PTPRJ: variants seen among roughly 807,000 people sequenced by gnomAD.
PTPRJ encodes the protein protein tyrosine phosphatase receptor type J, also known as receptor-type tyrosine-protein phosphatase eta.
In PTPRJ, 129 loss-of-function variants were observed where a neutral mutation model predicts 141.3. The observed-to-expected ratio is 0.91, with a 90% CI of 0.79 to 1.06. The LOEUF (loss-of-function observed/expected upper bound fraction) is 1.06. Among genes scored for constraint, PTPRJ ranks in the 50% least tolerant of loss-of-function variants. The pLI, the probability that PTPRJ is intolerant of heterozygous loss-of-function variation, is 0.00. For missense variants in PTPRJ, 1,601 were observed against 1,679.7 expected (o/e 0.95, Z 0.82); for synonymous variants, 610 against 640.5 (o/e 0.95, Z 0.72).
At chr11:48,111,759 G>C (rs566851054) in intron 2 of PTPRJ, among the ~76,000 whole-genome samples, 122 of 152,206 alleles carry the variant, frequency 8.0e-4, no homozygotes, top group African/African-American at 2.5e-3. Flanking sequence ...GTCATTGGAA[G>C]GGCCGCTGTA....
At chr11:47,992,568 A>G (rs1484740587) in intron 1 of PTPRJ, among the ~76,000 whole-genome samples, 6 of 152,250 alleles carry the variant, frequency 3.9e-5, no homozygotes, top group East Asian at 1.9e-4. Flanking sequence ...AGGTTGAACC[A>G]TATAAAGTTA....
chr11:48,085,056 A>G (rs973167195), intron 1 of PTPRJ, among the ~76,000 whole-genome samples: 2 of 152,326 alleles, frequency 1.3e-5, no homozygotes, highest in Middle Eastern at 3.4e-3. Flanking sequence ...GTTTTGGTGT[A>G]ACAGCAAAGA....
At position 48,120,742 on chromosome 11, in the gene PTPRJ, C is replaced by A. The variant is rs574733531; in HGVS notation, c.353-261C>A. 2.0e-5 allele frequency among the ~76,000 whole-genome samples: 3 copies of A among 152,130 alleles called. No homozygotes were observed. In the South Asian group the frequency reaches 6.2e-4, roughly 32 times the overall value. ...GTATCAGCTTCTATACAGACTTAAC[C>A]CCATTTTTAAGTCACAGCCAGCATG... On this transcript the variant is annotated intron_variant, in intron 3 of 24. Coordinates refer to ENST00000418331, the MANE Select transcript of PTPRJ (RefSeq NM_002843.4).
At chr11:47,991,126 G>A (rs928276881) in intron 1 of PTPRJ, among the ~76,000 whole-genome samples, 6 of 152,072 alleles carry the variant, frequency 3.9e-5, no homozygotes, top group Admixed American at 3.3e-4. Flanking sequence ...ATAATATGAA[G>A]CAGTGGAACT....
intron 1 of PTPRJ, among the ~76,000 whole-genome samples, chr11:47,998,832 C>T (rs1011798926): frequency 6.6e-6 from 1 of 152,010 alleles, no homozygotes; most frequent in Non-Finnish European, 1.5e-5. Flanking sequence ...AGGCCCTATT[C>T]GGTAAATACA....
chr11:48,136,336 T>G, intron 9 of PTPRJ, 40 bp downstream of exon 9: 1 of 1,594,468 alleles, frequency 6.3e-7, no homozygotes, highest in African/African-American at 1.3e-5. Context: ...ACAGCCTCTC[T>G]AACTGTCTCT....
chr11:48,139,392 A>G, intron 10 of PTPRJ, 94 bp from the exon 11 acceptor site: 2 of 1,366,322 alleles, frequency 1.5e-6, no homozygotes, highest in Non-Finnish European at 2.0e-6. Flanking sequence ...TCACCCACCC[A>G]CCTTCTCATC....
chr11:48,060,512 A>C (rs184945329), intron 1 of PTPRJ, among the ~76,000 whole-genome samples: 342 of 152,260 alleles, frequency 2.2e-3, no homozygotes, highest in African/African-American at 7.8e-3. Context: ...ACCCACACGC[A>C]CAGTTGGAAA....
At chr11:48,128,267 G>T (rs969176940) in intron 7 of PTPRJ, among the ~76,000 whole-genome samples, 2 of 152,344 alleles carry the variant, frequency 1.3e-5, no homozygotes, top group South Asian at 2.1e-4. Context: ...TGAGAGAGGT[G>T]CTAGACAGGT....
intron 1 of PTPRJ, among the ~76,000 whole-genome samples, chr11:48,085,259 C>CTT (rs35669006): frequency 9.5e-5 from 14 of 147,216 alleles, no homozygotes; most frequent in African/African-American, 3.3e-4. Flanking sequence ...ATCTCTCTCA[C>CTT]TTTTTTTTTT....
intron 1 of PTPRJ, among the ~76,000 whole-genome samples, chr11:48,009,383 G>T (rs1466329548): frequency 6.6e-6 from 1 of 152,192 alleles, no homozygotes; most frequent in Non-Finnish European, 1.5e-5. Flanking sequence ...GTCGTTGGAG[G>T]TCAGGAGTTC....
chr11:48,048,422 A>G (rs533480174), intron 1 of PTPRJ, among the ~76,000 whole-genome samples: 1 of 152,352 alleles, frequency 6.6e-6, no homozygotes, highest in South Asian at 2.1e-4. Context: ...TGACTGCTGC[A>G]GTGCAGAAGG....
At chr11:48,034,185 C>T (rs1854063384) in intron 1 of PTPRJ, among the ~76,000 whole-genome samples, 1 of 152,142 alleles carries the variant, frequency 6.6e-6, no homozygotes, top group Admixed American at 6.5e-5. Context: ...CTCGAGATGG[C>T]ACGTGGGGAG....
intron 7 of PTPRJ, among the ~76,000 whole-genome samples, chr11:48,128,901 C>A (rs1856904466): frequency 6.6e-6 from 1 of 152,186 alleles, no homozygotes; most frequent in Admixed American, 6.5e-5. Flanking sequence ...TGGACTGGAT[C>A]TTTGGGAAAA....
chr11:48,061,395 C>A (rs1854917937), intron 1 of PTPRJ, among the ~76,000 whole-genome samples: 1 of 152,176 alleles, frequency 6.6e-6, no homozygotes, highest in South Asian at 2.1e-4. Flanking sequence ...CCTGGAAAAG[C>A]CCTCTATGGG....
intron 3 of PTPRJ, among the ~76,000 whole-genome samples, chr11:48,119,451 T>G (rs1856651429): frequency 6.6e-6 from 1 of 152,198 alleles, no homozygotes; most frequent in Non-Finnish European, 1.5e-5. Context: ...CAGGCTGGAG[T>G]GCAGTGGTGT....
chr11:48,118,267 T>G (rs1856617224), intron 3 of PTPRJ, among the ~76,000 whole-genome samples: 1 of 152,170 alleles, frequency 6.6e-6, no homozygotes, highest in Admixed American at 6.5e-5. Flanking sequence ...AATTTTTTTG[T>G]AGAGATGGGG....
chr11:47,997,928 A>G (rs1411954047), intron 1 of PTPRJ, among the ~76,000 whole-genome samples: 1 of 152,166 alleles, frequency 6.6e-6, no homozygotes, highest in Non-Finnish European at 1.5e-5. Flanking sequence ...TGACATTGAG[A>G]ATAGCAGGAA....
At chr11:48,102,781 C>T (rs1377445164) in intron 1 of PTPRJ, among the ~76,000 whole-genome samples, 1 of 152,122 alleles carries the variant, frequency 6.6e-6, no homozygotes, top group Admixed American at 6.6e-5. Context: ...CAATGCATGG[C>T]AGTGGGCTAG....
Sources: gnomAD v4.1 joint callset for allele counts (sites outside exome capture counted in the v4.1 genomes callset) on GRCh38, gnomAD v4.1.1 for gene constraint, MANE v1.5 for transcripts, NCBI Gene and HGNC (gene_info 2026-07-23, HGNC 2026-07-21) for gene names.